The following ADGRV1 variants were observed in gnomAD, a reference collection of about 807,000 sequenced individuals.
The protein encoded by ADGRV1 is G-protein coupled receptor 98.
A neutral mutation model predicts 596.2 loss-of-function variants in ADGRV1; 359 were observed. That is an observed-to-expected ratio of 0.60 (90% CI 0.55 to 0.66). ADGRV1 has a LOEUF of 0.66. Ranked by LOEUF, ADGRV1 falls within the 30% of genes least tolerant of loss-of-function variation. The pLI is 0.00. For synonymous variants in ADGRV1, 2,681 were observed against 2,679.2 expected (o/e 1.00, Z -0.02); for missense variants, 7,274 against 7,575.6 (o/e 0.96, Z 1.48).
chr5:90,774,086 A>G, intron 59 of ADGRV1, 100 bp from the exon 60 acceptor site: 1 of 494,392 alleles, frequency 2.0e-6, no homozygotes, highest in Non-Finnish European at 3.6e-6. Context: ...AGACACCCTT[A>G]AAAATGATTA....
At chr5:90,591,599 C>T (rs1290356636) in intron 1 of ADGRV1, among the ~76,000 whole-genome samples, 1 of 152,064 alleles carries the variant, frequency 6.6e-6, no homozygotes, top group East Asian at 1.9e-4. Flanking sequence ...GGCATAATTG[C>T]TAATGGCTCA....
intron 76 of ADGRV1, among the ~76,000 whole-genome samples, chr5:90,824,090 A>G (rs572353733): frequency 1.3e-5 from 2 of 152,084 alleles, no homozygotes; most frequent in African/African-American, 4.8e-5. Context: ...CTTGCATGGT[A>G]TCTCTTTTTT....
chr5:90,822,247 T>C, intron 75 of ADGRV1: 1 of 154,040 alleles, frequency 6.5e-6, no homozygotes, highest in Non-Finnish European at 1.4e-5. Context: ...GCTTCCCAAG[T>C]GAGGCAATGC....
intron 50 of ADGRV1, among the ~76,000 whole-genome samples, chr5:90,739,360 A>T (rs539532378): frequency 3.6e-4 from 54 of 152,098 alleles, no homozygotes; most frequent in Non-Finnish European, 5.9e-4. Context: ...TCCCTGATTT[A>T]AAAAAAATCC....
intron 85 of ADGRV1, among the ~76,000 whole-genome samples, chr5:91,062,058 T>C (rs1422761124): frequency 6.6e-6 from 1 of 152,148 alleles, no homozygotes; most frequent in African/African-American, 2.4e-5. Flanking sequence ...AACCTAGAAC[T>C]AGCATGCTAG....
At chr5:91,118,968 GCATCCCATTGTTTTCA>G (rs1288232951) in intron 87 of ADGRV1, among the ~76,000 whole-genome samples, 2 of 151,892 alleles carry the variant, frequency 1.3e-5, no homozygotes, top group Non-Finnish European at 2.9e-5. Flanking sequence ...GTTTTCTATT[GCATCCCATTGTTTTCA>G]TTTTTCATCT....
intron 17 of ADGRV1, among the ~76,000 whole-genome samples, chr5:90,648,315 T>C (rs1768091365): frequency 6.6e-6 from 1 of 152,242 alleles, no homozygotes; most frequent in African/African-American, 2.4e-5. Flanking sequence ...CTTTGGGATT[T>C]GAGAATGTTT....
At chr5:91,071,553 T>C (rs1332694998) in intron 85 of ADGRV1, among the ~76,000 whole-genome samples, 1 of 152,174 alleles carries the variant, frequency 6.6e-6, no homozygotes, top group Admixed American at 6.5e-5. Context: ...TTCGTTGAAG[T>C]CTAGAAATGA....
chr5:90,615,064 GT>G, intron 2 of ADGRV1, 45 bp downstream of exon 2: 1 of 1,215,554 alleles, frequency 8.2e-7, no homozygotes, highest in Non-Finnish European at 1.1e-6. Flanking sequence ...TAGATATGAC[GT>G]TTCTTAGTTT....
At chr5:90,919,227 A>T (rs1375485618) in intron 83 of ADGRV1, among the ~76,000 whole-genome samples, 1 of 152,166 alleles carries the variant, frequency 6.6e-6, no homozygotes, top group Admixed American at 6.5e-5. Flanking sequence ...TTTTAGCCCA[A>T]ATCTACTGTT....
intron 8 of ADGRV1, 89 bp from the exon 9 acceptor site, chr5:90,629,121 A>G: frequency 4.2e-6 from 3 of 707,580 alleles, no homozygotes; most frequent in Non-Finnish European, 6.2e-6. Context: ...ATTAATAAAT[A>G]TTAAAATTAG....
intron 85 of ADGRV1, among the ~76,000 whole-genome samples, chr5:91,044,737 C>A (rs1167103857): frequency 6.6e-6 from 1 of 152,120 alleles, no homozygotes; most frequent in Non-Finnish European, 1.5e-5. Context: ...TACACGCTGT[C>A]AGTACTTTAA....
chr5:90,860,871 G>A (rs117816198), intron 82 of ADGRV1, among the ~76,000 whole-genome samples: 2,330 of 152,180 alleles, frequency 0.015, 61 homozygotes, highest in South Asian at 0.11. Context: ...ATGAGAAAAC[G>A]TACTAATACT....
chr5:90,898,189 G>T (rs1020040147), intron 83 of ADGRV1, among the ~76,000 whole-genome samples: 3 of 152,132 alleles, frequency 2.0e-5, no homozygotes, highest in African/African-American at 7.2e-5. Flanking sequence ...AATATGAATT[G>T]CAAGTTCATT....
At chr5:90,995,226 T>G (rs1405296007) in intron 85 of ADGRV1, among the ~76,000 whole-genome samples, 1 of 152,220 alleles carries the variant, frequency 6.6e-6, no homozygotes, top group Admixed American at 6.5e-5. Flanking sequence ...AACAAGTAAC[T>G]TCCTGTCTCC....
chr5:91,151,268 T>A (rs1796031127), intron 88 of ADGRV1, among the ~76,000 whole-genome samples: 1 of 152,202 alleles, frequency 6.6e-6, no homozygotes, highest in Non-Finnish European at 1.5e-5. Context: ...AGGTAAATAT[T>A]CACAATTCAA....
chr5:90,649,512 G>A (rs923214021), intron 17 of ADGRV1, among the ~76,000 whole-genome samples: 1 of 151,262 alleles, frequency 6.6e-6, no homozygotes, highest in Non-Finnish European at 1.5e-5. Flanking sequence ...TTTTTGAGAT[G>A]AAGTCTCACT....
Position 90,587,556 on chromosome 5 carries a change from T to C in ADGRV1, c.23-27279T>C, listed in dbSNP as rs1241017770. Among the ~76,000 whole-genome samples, 26 of 20,766 alleles carry C rather than the reference T, an allele frequency of 1.3e-3. No individual in the cohort carries two copies. In the East Asian group the frequency reaches 0.028, roughly 22 times the overall value. 13.6% of individuals were successfully genotyped at this position (20,766 alleles called of 152,430 possible). ...TATTGTCATTTCTCTTTTCTGTGTC[T>C]TTTTTTTTTTTTTTTTTTTAAATGG... On this transcript the variant is annotated intron_variant, in intron 1 of 89. Coordinates refer to ENST00000405460, the MANE Select transcript of ADGRV1 (RefSeq NM_032119.4).
chr5:90,716,809 G>A, intron 43 of ADGRV1, 80 bp downstream of exon 43: 3 of 1,018,182 alleles, frequency 2.9e-6, no homozygotes, highest in Non-Finnish European at 4.3e-6. Context: ...GAGCACTCAA[G>A]TCCTAGAATG....
Sources: gnomAD v4.1 joint callset for allele counts (sites outside exome capture counted in the v4.1 genomes callset) on GRCh38, gnomAD v4.1.1 for gene constraint, MANE v1.5 for transcripts, NCBI Gene and HGNC (gene_info 2026-07-23, HGNC 2026-07-21) for gene names.